Variants in UBR4 observed in about 807,000 individuals in gnomAD.
The protein encoded by UBR4 is ubiquitin protein ligase E3 component n-recognin 4, also known as E3 ubiquitin-protein ligase UBR4.
In UBR4, 124 loss-of-function variants were observed where a neutral mutation model predicts 575.6. The observed-to-expected ratio is 0.22, with a 90% CI of 0.19 to 0.25. The LOEUF is 0.25. UBR4 is among the 10% of genes least tolerant of loss of function. UBR4 has a pLI of 1.00. For missense variants in UBR4, 4,818 were observed against 6,478.8 expected (o/e 0.74, Z 8.80); for synonymous variants, 2,455 against 2,473.7 (o/e 0.99, Z 0.22).
At chr1:19,119,988 G>A (rs535169743) in intron 69 of UBR4, among the ~76,000 whole-genome samples, 192 bp downstream of exon 69, 3 of 152,208 alleles carry the variant, frequency 2.0e-5, no homozygotes, top group South Asian at 4.1e-4. Flanking sequence ...AAAACAGATC[G>A]TCTCCTGCCT....
rs896688125 is a variant in UBR4, at chr1:19,105,810, C to T, written c.12426G>A (p.Arg4142=). 2.5e-6 allele frequency: 4 copies of T among 1,608,224 alleles called. No homozygotes were observed. Among genetic ancestry groups the T allele is most frequent in the Admixed American group, 3.4e-5 (2 of 58,264 alleles). ...VLFTPATQAA[R]QAACTIVEAL... ...CTTCCACAATGGTACAGGCTGCCTG[C>T]CGTGCGGCCTGCGTTGCTGGAGTGA... The change falls in exon 84 of 106, where the codon CGG becomes CGA. Residue 4142 remains arginine, a synonymous_variant. Coordinates refer to ENST00000375254, the MANE Select transcript of UBR4 (RefSeq NM_020765.3).
rs756489321 is a variant in UBR4, at chr1:19,144,860, G to A, written c.7993C>T (p.His2665Tyr). 1 of 1,614,118 alleles carries A rather than the reference G, an allele frequency of 6.2e-7. No individual in the cohort carries two copies. The highest frequency in any genetic ancestry group is 2.2e-5 in the East Asian group (1 of 44,868). ...TCCAGCTCACAGGTACAGTAGCCATGGATGATGTCCACCAGAGCATTGACA... is the reference window on the plus strand; with the variant it reads ...TCCAGCTCACAGGTACAGTAGCCATAGATGATGTCCACCAGAGCATTGACA... ...ATVNALVDII[H>Y]GYCTCELDCI... Residue 2665 changes from histidine (H) to tyrosine (Y), a missense_variant, in exon 54 of 106, where the codon CAT becomes TAT. Around this residue, in one of 29 missense-constraint regions of UBR4, gnomAD observed 340 missense variants for 375.4 expected, o/e 0.91. Coordinates refer to ENST00000375254, the MANE Select transcript of UBR4 (RefSeq NM_020765.3).
intron 73 of UBR4, among the ~76,000 whole-genome samples, chr1:19,116,024 TAG>T (rs1570668780): frequency 6.6e-6 from 1 of 152,180 alleles, no homozygotes; most frequent in South Asian, 2.1e-4. Flanking sequence ...CAGGCTATTT[TAG>T]AGAGGCAGAG....
chr1:19,104,658 A>C lies in UBR4; in HGVS notation c.12654T>G (p.Ala4218=). ...TAGCCTCCTCCAGGGCCAGCAGACGAGCTATTTCCTAAACAGGATGACAAG... is the reference window on the plus strand; with the variant it reads ...TAGCCTCCTCCAGGGCCAGCAGACGCGCTATTTCCTAAACAGGATGACAAG... ...YVGNLITKEI[A]RLLALEEATL... The change falls in exon 86 of 106, where the codon GCT becomes GCG. Residue 4218 remains alanine, a synonymous_variant. Coordinates refer to ENST00000375254, the MANE Select transcript of UBR4 (RefSeq NM_020765.3). 6.2e-7 allele frequency: 1 copy of C among 1,614,104 alleles called. No homozygotes were observed. The highest frequency in any genetic ancestry group is 8.5e-7 in the Non-Finnish European group (1 of 1,180,004).
Position 19,155,549 on chromosome 1 carries a change from C to T in UBR4, c.6192G>A (p.Met2064Ile). ...GAGTATAGATGTACCCAGCCGAAGA[C>T]ATTATAACAATGATGTTCTTTCCCT... is the stretch of plus-strand genomic sequence containing the variant. Reference protein sequence around the residue: ...NEEGKNIIVIMSSAGYIYTQL... With the variant: ...NEEGKNIIVIISSAGYIYTQL... Residue 2064 changes from methionine to isoleucine, a missense_variant, in exon 43 of 106, where the codon ATG becomes ATA. Physicochemically the swap from Met to Ile is conservative, Grantham distance 10. This residue lies in a region of UBR4 where 461 missense variants were observed against 606.9 expected (regional missense o/e 0.76). Transcript: ENST00000375254. The T allele has an allele frequency of 6.2e-7, 1 of 1,614,122 alleles. No individual in the cohort carries two copies. The highest frequency in any genetic ancestry group is 8.5e-7 in the Non-Finnish European group (1 of 1,180,010).
intron 68 of UBR4, 32 bp from the exon 69 acceptor site, chr1:19,120,380 G>A (rs1375460033): frequency 1.2e-6 from 2 of 1,605,268 alleles, no homozygotes; most frequent in African/African-American, 2.7e-5. Context: ...AAGGGCTGAA[G>A]AGTAGGAAGA....
chr1:19,140,667 G>T, intron 58 of UBR4, 121 bp downstream of exon 58: 1 of 1,030,106 alleles, frequency 9.7e-7, no homozygotes, highest in Non-Finnish European at 1.4e-6. Context: ...TAAAGCCAAG[G>T]CAGAAGCAGG....
At chr1:19,118,384 ACCTTATTTAACTTAAAC>A (rs2080799576) in intron 71 of UBR4, 1 of 158,160 alleles carries the variant, frequency 6.3e-6, no homozygotes, top group African/African-American at 2.4e-5. Context: ...AATTTGTTTC[ACCTTATTTAACTTAAAC>A]CCTTGAAACT....
chr1:19,093,215 G>A lies in UBR4; in HGVS notation c.14111+98C>T, dbSNP rs2077698783. The A allele has an allele frequency of 8.9e-6, 13 of 1,468,020 alleles. No individual in the cohort carries two copies. In the South Asian group the frequency reaches 1.7e-4, roughly 19 times the overall value. 90.9% of individuals were successfully genotyped at this position (1,468,020 alleles called of 1,614,324 possible). A position where few individuals can be genotyped will look rare whatever the true frequency, so the allele number is the denominator to read the frequency against. On this transcript the variant is annotated intron_variant, in intron 96 of 105. Transcript: ENST00000375254. The surrounding 1 kb of genome is among the most constrained non-coding windows in gnomAD (Gnocchi z 4.8). ...GGTTGGGAGGCCCCAAGGAGGGCAA[G>A]GGGCACACGTGAAGCTTTATGCCAA...
intron 81 of UBR4, among the ~76,000 whole-genome samples, chr1:19,109,048 C>T (rs774424439): frequency 2.0e-5 from 3 of 152,194 alleles, no homozygotes; most frequent in Non-Finnish European, 4.4e-5. Flanking sequence ...CAGAGTGCCC[C>T]GTGCTGCCTT....
intron 34 of UBR4, among the ~76,000 whole-genome samples, chr1:19,163,140 T>C (rs2087675868): frequency 6.6e-6 from 1 of 152,168 alleles, no homozygotes; most frequent in Admixed American, 6.5e-5. Context: ...AGACTCAGAT[T>C]TCTAAGTTCC....
At chr1:19,130,398 G>A (rs938996543) in intron 60 of UBR4, among the ~76,000 whole-genome samples, 1 of 152,124 alleles carries the variant, frequency 6.6e-6, no homozygotes, top group African/African-American at 2.4e-5. Flanking sequence ...CAGACGTGGT[G>A]CCATGTGCCT....
intron 28 of UBR4, 47 bp downstream of exon 28, chr1:19,167,980 A>G: frequency 6.6e-7 from 1 of 1,518,242 alleles, no homozygotes; most frequent in South Asian, 1.3e-5. Flanking sequence ...TTTAACCACA[A>G]TAGAATACAG....
Position 19,176,654 on chromosome 1 carries a change from G to A in UBR4, c.2711C>T (p.Thr904Ile), listed in dbSNP as rs369313264. The change falls in exon 20 of 106, where the codon ACC (threonine) becomes ATC (isoleucine). Residue 904 changes from threonine to isoleucine, a missense_variant. By Grantham distance (89) the Thr-to-Ile change is moderately conservative. Around this residue, in one of 29 missense-constraint regions of UBR4, gnomAD observed 1,172 missense variants for 1,259.7 expected, o/e 0.93. Coordinates refer to ENST00000375254, the MANE Select transcript of UBR4 (RefSeq NM_020765.3). ...TTTGAATCCATGATAGAGAGGAGTG[G>A]TTGCCCGGCGGCTGTTGCTGTCCTG... ...GSQDSNSRRA[T>I]TPLYHGFKEV... 6.2e-7 allele frequency: 1 copy of A among 1,614,038 alleles called. No individual in the cohort carries two copies. The highest frequency in any genetic ancestry group is 1.3e-5 in the African/African-American group (1 of 75,016).
intron 64 of UBR4, among the ~76,000 whole-genome samples, chr1:19,125,064 T>C (rs965878983): frequency 6.6e-6 from 1 of 152,066 alleles, no homozygotes; most frequent in Non-Finnish European, 1.5e-5. Context: ...ATGAGATGTA[T>C]TCTATCCCTA....
rs766157182 is a variant in UBR4 at position 19,081,340 on chromosome 1, G to C, written c.15233+9C>G. 4 of 1,568,890 alleles carry C rather than the reference G, an allele frequency of 2.5e-6. No homozygotes were observed. The South Asian group carries it at 4.6e-5, about 18-fold the overall frequency. On this transcript the variant is annotated intron_variant, in intron 103 of 105. Coordinates refer to ENST00000375254, the MANE Select transcript of UBR4 (RefSeq NM_020765.3). ...TAGTGAGCAGCAGCTTCCGGAAGCA[G>C]GTACTGACCTGGTGGCTCCACCTGG...
chr1:19,119,842 T>C lies in UBR4; in HGVS notation c.10311-141A>G. 7 of 1,152,440 alleles carry C rather than the reference T, an allele frequency of 6.1e-6. No homozygotes were observed. The South Asian group carries it at 1.1e-4, about 18-fold the overall frequency. The allele number at this position is 1,152,440 out of a possible 1,614,324, so 71.4% of individuals were successfully genotyped here. On this transcript the variant is annotated intron_variant, in intron 69 of 105. Transcript: ENST00000375254. The stretch of plus-strand genomic sequence containing the variant: ...GTTTTGTTTCACTTTTGACAATCAA[T>C]CCTACCAGATGCAGCATAGTCATTT...
intron 64 of UBR4, 67 bp downstream of exon 64, chr1:19,126,379 C>A: frequency 6.3e-7 from 1 of 1,593,590 alleles, no homozygotes; most frequent in East Asian, 2.2e-5. Flanking sequence ...GCTCTCTGCA[C>A]CGCGAGGAAA....
intron 59 of UBR4, among the ~76,000 whole-genome samples, chr1:19,138,873 T>C (rs2083493164): frequency 6.6e-6 from 1 of 152,198 alleles, no homozygotes; most frequent in Non-Finnish European, 1.5e-5. Flanking sequence ...AATATTTCAA[T>C]ACTAACCCCC....
Sources: allele counts gnomAD v4.1 joint callset (sites outside exome capture counted in the v4.1 genomes callset), GRCh38; gene constraint gnomAD v4.1.1; regional missense constraint gnomAD v4.1.1; non-coding constraint Gnocchi (gnomAD v3.1); transcripts MANE v1.5; gene names NCBI Gene and HGNC (gene_info 2026-07-23, HGNC 2026-07-21).